The following EYS variants were observed in gnomAD, a reference collection of about 807,000 sequenced individuals.
EYS encodes the protein protein eyes shut homolog.
A neutral mutation model predicts 282.1 loss-of-function variants in EYS; 250 were observed. The ratio of observed to expected loss-of-function variants is 0.89; its 90% CI spans 0.80 to 0.98. The LOEUF (loss-of-function observed/expected upper bound fraction) is 0.98. Among genes scored for constraint, EYS ranks in the 50% least tolerant of loss-of-function variants. The pLI is 0.00. For synonymous variants in EYS, 1,355 were observed against 1,282.9 expected (o/e 1.06, Z -1.20); for missense variants, 4,016 against 3,709.0 (o/e 1.08, Z -2.15).
chr6:65,244,614 G>T (rs1402258892), intron 12 of EYS, among the ~76,000 whole-genome samples: 1 of 151,858 alleles, frequency 6.6e-6, no homozygotes, highest in Non-Finnish European at 1.5e-5. Flanking sequence ...CCGGGTTCAT[G>T]CCATTCTCCT....
At chr6:65,549,018 A>C (rs947943163) in intron 2 of EYS, among the ~76,000 whole-genome samples, 5 of 152,138 alleles carry the variant, frequency 3.3e-5, no homozygotes, top group African/African-American at 1.2e-4. Flanking sequence ...TCACATGCGC[A>C]GTTCAAATAG....
At chr6:64,038,459 A>G (rs1770228182) in intron 33 of EYS, among the ~76,000 whole-genome samples, 1 of 152,170 alleles carries the variant, frequency 6.6e-6, no homozygotes, top group Admixed American at 6.5e-5. Flanking sequence ...CTTAAAATAA[A>G]CAATACATTA....
intron 26 of EYS, among the ~76,000 whole-genome samples, chr6:64,454,495 T>C (rs1775489778): frequency 6.6e-6 from 1 of 152,192 alleles, no homozygotes; most frequent in Non-Finnish European, 1.5e-5. Context: ...CACTTGACCC[T>C]TGAACAACAT....
At chr6:64,086,702 A>C (rs530903629) in intron 31 of EYS, among the ~76,000 whole-genome samples, 1 of 152,272 alleles carries the variant, frequency 6.6e-6, no homozygotes, top group African/African-American at 2.4e-5. Flanking sequence ...TTTTTATCCT[A>C]CGTTACAATT....
At chr6:65,543,130 T>C (rs1353182800) in intron 2 of EYS, among the ~76,000 whole-genome samples, 1 of 152,076 alleles carries the variant, frequency 6.6e-6, no homozygotes, top group African/African-American at 2.4e-5. Flanking sequence ...GTGATTCTCC[T>C]GCTTCAGCCT....
chr6:63,874,434 C>T (rs1232380222), intron 35 of EYS, among the ~76,000 whole-genome samples: 1 of 152,138 alleles, frequency 6.6e-6, no homozygotes, highest in Non-Finnish European at 1.5e-5. Context: ...AGCATGATGC[C>T]AACAGCTTTG....
intron 5 of EYS, among the ~76,000 whole-genome samples, chr6:65,458,054 G>A (rs1443050706): frequency 2.6e-5 from 4 of 152,098 alleles, no homozygotes; most frequent in African/African-American, 7.2e-5. Context: ...GGAAAATCAT[G>A]TGGATTTTGA....
At chr6:64,404,681 T>G (rs914688937) in intron 28 of EYS, among the ~76,000 whole-genome samples, 1 of 152,096 alleles carries the variant, frequency 6.6e-6, no homozygotes, top group Non-Finnish European at 1.5e-5. Flanking sequence ...AGATGCTTAA[T>G]GGGGTTGGGG....
chr6:64,255,924 T>C (rs1376746607), intron 30 of EYS, among the ~76,000 whole-genome samples: 5 of 151,964 alleles, frequency 3.3e-5, no homozygotes, highest in African/African-American at 9.7e-5. Flanking sequence ...TATGATCACA[T>C]AGTTAAAAAA....
At chr6:64,242,287 GT>G (rs1307593832) in intron 30 of EYS, among the ~76,000 whole-genome samples, 1 of 152,082 alleles carries the variant, frequency 6.6e-6, no homozygotes, top group African/African-American at 2.4e-5. Flanking sequence ...CACTATTATT[GT>G]GATCATAGAG....
At chr6:64,274,323 C>T (rs986005958) in intron 30 of EYS, among the ~76,000 whole-genome samples, 6 of 151,940 alleles carry the variant, frequency 3.9e-5, no homozygotes, top group African/African-American at 9.7e-5. Context: ...TACAGGCCCG[C>T]GCCACCACGC....
At chr6:64,172,975 T>G (rs1476866764) in intron 31 of EYS, among the ~76,000 whole-genome samples, 1 of 152,072 alleles carries the variant, frequency 6.6e-6, no homozygotes, top group Non-Finnish European at 1.5e-5. Context: ...TGTCAAAAAG[T>G]TTGGGATCGC....
At chr6:65,493,005 C>A (rs984627862) in intron 4 of EYS, among the ~76,000 whole-genome samples, 1 of 152,122 alleles carries the variant, frequency 6.6e-6, no homozygotes, top group Non-Finnish European at 1.5e-5. Flanking sequence ...CAAACTCTAC[C>A]TCCTGGTTCA....
At chr6:64,741,199 G>A (rs1371543853) in intron 22 of EYS, among the ~76,000 whole-genome samples, 3 of 152,100 alleles carry the variant, frequency 2.0e-5, no homozygotes, top group East Asian at 1.9e-4. Flanking sequence ...GGGAAGTTAC[G>A]TTAGCAGGCA....
chr6:64,484,468 T>A (rs1451238485), intron 26 of EYS, among the ~76,000 whole-genome samples: 2 of 151,544 alleles, frequency 1.3e-5, no homozygotes, highest in African/African-American at 4.8e-5. Context: ...ACTCCAACGC[T>A]TTAACTGGCT....
At chr6:64,669,104 A>G (rs1056072274) in intron 22 of EYS, among the ~76,000 whole-genome samples, 4 of 152,164 alleles carry the variant, frequency 2.6e-5, no homozygotes, top group Admixed American at 6.6e-5. Flanking sequence ...TGGCCTTTAT[A>G]TACTCACTCG....
intron 12 of EYS, among the ~76,000 whole-genome samples, chr6:65,243,891 T>C (rs1197220030): frequency 6.6e-6 from 1 of 152,162 alleles, no homozygotes; most frequent in Non-Finnish European, 1.5e-5. Flanking sequence ...CCTAGGTGAC[T>C]AAGAATCTGT....
chr6:64,044,575 T>C (rs907679855), intron 33 of EYS, among the ~76,000 whole-genome samples: 2 of 152,212 alleles, frequency 1.3e-5, no homozygotes, highest in African/African-American at 4.8e-5. Context: ...TGCAGCTCCA[T>C]TGGTTACTTA....
intron 14 of EYS, among the ~76,000 whole-genome samples, chr6:64,982,915 C>T (rs534307509): frequency 6.6e-6 from 1 of 151,112 alleles, no homozygotes; most frequent in South Asian, 2.1e-4. Flanking sequence ...CTTCAGCTGT[C>T]CAGTAACAAC....
Sources: allele counts gnomAD v4.1 joint callset (sites outside exome capture counted in the v4.1 genomes callset), GRCh38; gene constraint gnomAD v4.1.1; transcripts MANE v1.5; gene names NCBI Gene and HGNC (gene_info 2026-07-23, HGNC 2026-07-21).